Variants in MYLK observed in about 807,000 individuals in gnomAD.
MYLK encodes myosin light chain kinase, smooth muscle.
MYLK carries 106 observed loss-of-function variants against 203.4 expected under a neutral mutation model. That is an observed-to-expected ratio of 0.52 (90% CI 0.45 to 0.61). The LOEUF (loss-of-function observed/expected upper bound fraction) is 0.61. MYLK is among the 20% of genes least tolerant of loss of function. The pLI, the probability that MYLK is intolerant of heterozygous loss-of-function variation, is 0.00. For synonymous variants in MYLK, 867 were observed against 959.5 expected, an observed-to-expected ratio of 0.90 and a Z score of 1.78; for missense variants, 2,072 against 2,442.3, an observed-to-expected ratio of 0.85 and a Z score of 3.20.
At chr3:123,822,404 G>A (rs993324813) in intron 3 of MYLK, among the ~76,000 whole-genome samples, 1 of 152,156 alleles carries the variant, frequency 6.6e-6, no homozygotes, top group Admixed American at 6.5e-5. Flanking sequence ...CCCAGACACA[G>A]GTACCATCTG....
At position 123,734,161 on chromosome 3, in the gene MYLK, T is replaced by G; in HGVS notation, c.835A>C (p.Ile279Leu). The change falls in exon 10 of 34, where the codon ATC becomes CTC. Residue 279 changes from isoleucine to leucine, a missense_variant. This residue lies in a region of MYLK where 683 missense variants were observed against 643.8 expected (regional missense o/e 1.06). Coordinates refer to ENST00000360304, the MANE Select transcript of MYLK (RefSeq NM_053025.4). Reference sequence around the variant, plus strand: ...CTGTCCAGCTTCGACTCCTTTGAGATTACATTGGTCACCTCTTTCCTGACA... The same window carrying G: ...CTGTCCAGCTTCGACTCCTTTGAGAGTACATTGGTCACCTCTTTCCTGACA... ...SDVRKEVTNV[I>L]SKESKLDSLE... is the part of the protein sequence containing the mutation. 2 of 1,563,642 alleles carry G rather than the reference T, an allele frequency of 1.3e-6. No individual in the cohort carries two copies. Among genetic ancestry groups the G allele is most frequent in the Non-Finnish European group, 1.7e-6 (2 of 1,161,300 alleles).
chr3:123,688,323 C>T (rs984040548), intron 19 of MYLK, among the ~76,000 whole-genome samples: 10 of 152,138 alleles, frequency 6.6e-5, no homozygotes, highest in Non-Finnish European at 1.3e-4. Context: ...ATGCACTAAA[C>T]TCTTGATCGT....
intron 2 of MYLK, among the ~76,000 whole-genome samples, chr3:123,850,050 A>G (rs941717873): frequency 6.6e-6 from 1 of 152,206 alleles, no homozygotes; most frequent in African/African-American, 2.4e-5. Context: ...CGCTTCATCC[A>G]TGTCCCTACA....
rs1275647065 is a variant in MYLK at position 123,752,356 on chromosome 3, C to T, written c.348G>A (p.Gln116=). The change falls in exon 5 of 34, where the codon CAG becomes CAA. Residue 116 remains glutamine (Q), a synonymous_variant. Transcript: ENST00000360304. ...CEATNGSGAR[Q]VTVELTVEGS... ...CTTCTACTGTCAACTCCACTGTCAC[C>T]TGGCGAGCACCACTGCCATTGGTGG... 2.4e-5 allele frequency: 38 copies of T among 1,614,088 alleles called. No individual in the cohort carries two copies. The highest frequency in any genetic ancestry group is 3.1e-5 in the Non-Finnish European group (36 of 1,180,054).
intron 26 of MYLK, among the ~76,000 whole-genome samples, chr3:123,647,906 TC>T (rs1467838721): frequency 1.3e-5 from 2 of 152,156 alleles, no homozygotes; most frequent in Non-Finnish European, 2.9e-5. Context: ...GCTGATGGCA[TC>T]TCTTCCCCTC....
At chr3:123,787,426 T>C (rs1411764883) in intron 4 of MYLK, among the ~76,000 whole-genome samples, 3 of 152,116 alleles carry the variant, frequency 2.0e-5, no homozygotes, top group Admixed American at 6.5e-5. Context: ...GCCAAATCCT[T>C]ATGGGCTTGA....
At chr3:123,651,092 T>C (rs2059196879) in intron 24 of MYLK, among the ~76,000 whole-genome samples, 1 of 152,202 alleles carries the variant, frequency 6.6e-6, no homozygotes, top group Non-Finnish European at 1.5e-5. Context: ...GGAAGGGCTA[T>C]GTCTTAATCA....
intron 23 of MYLK, among the ~76,000 whole-genome samples, chr3:123,663,320 GAAGGT>G (rs1226906078): frequency 6.6e-6 from 1 of 152,212 alleles, no homozygotes; most frequent in Non-Finnish European, 1.5e-5. Flanking sequence ...ATCCTGGTAT[GAAGGT>G]AAGGAAAATC....
At position 123,763,814 on chromosome 3, in the gene MYLK, C is replaced by T. The variant is rs535562576; in HGVS notation, c.166-11276G>A. Among the ~76,000 whole-genome samples the T allele has an allele frequency of 9.4e-4, 143 of 152,220 alleles. 3 individuals carry two copies. The South Asian group carries it at 0.017, about 18-fold the overall frequency. On this transcript the variant is annotated intron_variant, in intron 4 of 33. Transcript: ENST00000360304. Reference sequence around the variant, plus strand: ...GGTCTTTGTTCACTGTCCGTCAGACCGTTGGTAGATATTTTCATTACTGGC... The same window carrying T: ...GGTCTTTGTTCACTGTCCGTCAGACTGTTGGTAGATATTTTCATTACTGGC...
At chr3:123,880,469 GA>G (rs1017156946) in intron 1 of MYLK, among the ~76,000 whole-genome samples, 1 of 151,770 alleles carries the variant, frequency 6.6e-6, no homozygotes, top group African/African-American at 2.4e-5. Flanking sequence ...AGAGCCAAGG[GA>G]AAAAAAATCA....
chr3:123,843,531 A>G (rs1396116185), intron 2 of MYLK, among the ~76,000 whole-genome samples: 2 of 152,350 alleles, frequency 1.3e-5, no homozygotes, highest in Non-Finnish European at 2.9e-5. Context: ...AAACTCTGCT[A>G]CATTCCAGAA....
intron 2 of MYLK, among the ~76,000 whole-genome samples, chr3:123,857,822 G>GA (rs890887055): frequency 2.4e-3 from 352 of 149,120 alleles, no homozygotes; most frequent in Admixed American, 4.1e-3. Context: ...AAAGAAAAAA[G>GA]AAAAAAAAAA....
chr3:123,620,285 T>G lies in MYLK; in HGVS notation c.5290A>C (p.Ile1764Leu). ...AIGRLSSMAM[I>L]SGLSGRKSST... ...GATTTCCTGCCACTGAGCCCTGAGA[T>G]CATTGCCATAGAGGACAGTCTTCCA... Residue 1764 changes from isoleucine (I) to leucine (L), a missense_variant, in exon 32 of 34, where the codon ATC becomes CTC. Coordinates refer to ENST00000360304, the MANE Select transcript of MYLK (RefSeq NM_053025.4). 6.2e-7 allele frequency: 1 copy of G among 1,614,170 alleles called. No individual in the cohort carries two copies. Among genetic ancestry groups the G allele is most frequent in the Non-Finnish European group, 8.5e-7 (1 of 1,180,024 alleles).
At chr3:123,634,323 C>T (rs1357028898) in intron 29 of MYLK, among the ~76,000 whole-genome samples, 2 of 152,184 alleles carry the variant, frequency 1.3e-5, no homozygotes, top group African/African-American at 4.8e-5. Context: ...CAGCGGCAGC[C>T]CCAGGTGGGG....
intron 4 of MYLK, among the ~76,000 whole-genome samples, chr3:123,781,473 A>G (rs138684266): frequency 5.9e-5 from 9 of 152,320 alleles, no homozygotes; most frequent in African/African-American, 1.9e-4. Context: ...TTCATTCTGC[A>G]TATCTTTCCC....
chr3:123,752,559 G>A (rs1329956563), intron 4 of MYLK, 21 bp from the exon 5 acceptor site: 47 of 1,600,756 alleles, frequency 2.9e-5, no homozygotes, highest in Non-Finnish European at 3.8e-5. Context: ...AAGAAGAAAG[G>A]GTAAGAGCCT....
Position 123,734,228 on chromosome 3 carries a change from T to C in MYLK, c.774-6A>G. 1 of 895,418 alleles carries C rather than the reference T, an allele frequency of 1.1e-6. No individual in the cohort carries two copies. Among genetic ancestry groups the C allele is most frequent in the Non-Finnish European group, 1.6e-6 (1 of 635,296 alleles). The allele number at this position is 895,418 out of a possible 1,614,324, so 55.5% of individuals were successfully genotyped here. On this transcript the variant is annotated splice_region_variant and splice_polypyrimidine_tract_variant and intron_variant, in intron 9 of 33. Coordinates refer to ENST00000360304, the MANE Select transcript of MYLK (RefSeq NM_053025.4). ...TTGTTTCTCTCACAAATGACCTGTG[T>C]GGTGGTGAGGGTGGGGGTAGGGTGG...
In MYLK at chr3:123,649,141, G is replaced by A. The variant is rs201324596; in HGVS notation, c.4321+21C>T. The A allele has an allele frequency of 3.6e-4, 587 of 1,613,814 alleles. 2 individuals are homozygous for A. In the African/African-American group the frequency reaches 6.7e-3, roughly 19 times the overall value. ...CCCCTCCACCCCAAGAGCCTGACCCGAAGACAGGGGCTGCACTCACCATCA... is the reference window on the plus strand; with the variant it reads ...CCCCTCCACCCCAAGAGCCTGACCCAAAGACAGGGGCTGCACTCACCATCA... On this transcript the variant is annotated intron_variant, in intron 25 of 33. Coordinates refer to ENST00000360304, the MANE Select transcript of MYLK (RefSeq NM_053025.4).
chr3:123,682,150 T>A, intron 20 of MYLK, 74 bp downstream of exon 20: 1 of 1,204,060 alleles, frequency 8.3e-7, no homozygotes, highest in Non-Finnish European at 1.2e-6. Flanking sequence ...GTGGGGGCTC[T>A]GAGGCTGCCC....
Sources: allele counts gnomAD v4.1 joint callset (sites outside exome capture counted in the v4.1 genomes callset), GRCh38; gene constraint gnomAD v4.1.1; regional missense constraint gnomAD v4.1.1; transcripts MANE v1.5; gene names NCBI Gene and HGNC (gene_info 2026-07-23, HGNC 2026-07-21).